GNAT3: variants seen among roughly 807,000 people sequenced by gnomAD.
GNAT3 encodes G protein subunit alpha transducin 3.
GNAT3 carries 31 observed loss-of-function variants against 37.7 expected under a neutral mutation model. The observed-to-expected ratio is 0.82, with a 90% CI of 0.62 to 1.11. The LOEUF (loss-of-function observed/expected upper bound fraction) is 1.11, where lower values mean the gene tolerates loss of function less well. GNAT3 is among the 50% of genes most tolerant of loss of function. The pLI, the probability that GNAT3 is intolerant of heterozygous loss-of-function variation, is 0.00. For synonymous variants in GNAT3, 138 were observed against 139.8 expected (o/e 0.99, Z 0.09); for missense variants, 437 against 412.5 (o/e 1.06, Z -0.51).
At chr7:80,484,045 C>T (rs898270844) in intron 3 of GNAT3, among the ~76,000 whole-genome samples, 2 of 152,020 alleles carry the variant, frequency 1.3e-5, no homozygotes, top group Non-Finnish European at 2.9e-5. Flanking sequence ...CATAGGTATA[C>T]ATGTGCTATG....
At chr7:80,502,675 G>A (rs1790857526) in intron 1 of GNAT3, among the ~76,000 whole-genome samples, 1 of 151,382 alleles carries the variant, frequency 6.6e-6, no homozygotes. Flanking sequence ...AGACCCATAT[G>A]TTGATCTAAT....
In GNAT3 at chr7:80,472,276, T is replaced by C. The variant is rs1790233807; in HGVS notation, c.590+1975A>G. Among the ~76,000 whole-genome samples, 3 of 152,194 alleles carry C rather than the reference T, an allele frequency of 2.0e-5. No individual in the cohort carries two copies. In the South Asian group the frequency reaches 6.2e-4, roughly 32 times the overall value. ...CACCTTGGTTGACTGAAATTGACCATGGTGGGGTTATTTGCACCAGAAAAA... is the reference window on the plus strand; with the variant it reads ...CACCTTGGTTGACTGAAATTGACCACGGTGGGGTTATTTGCACCAGAAAAA... On this transcript the variant is annotated intron_variant, in intron 5 of 7. Coordinates refer to ENST00000398291, the MANE Select transcript of GNAT3 (RefSeq NM_001102386.3).
chr7:80,462,715 G>T, intron 5 of GNAT3, 84 bp from the exon 6 acceptor site: 2 of 1,010,842 alleles, frequency 2.0e-6, no homozygotes, highest in East Asian at 2.6e-5. Flanking sequence ...AGGTATAAAT[G>T]GGTGATCCCC....
intron 7 of GNAT3, among the ~76,000 whole-genome samples, chr7:80,459,355 C>T (rs182271505): frequency 6.6e-6 from 1 of 152,182 alleles, no homozygotes; most frequent in East Asian, 1.9e-4. Flanking sequence ...GGGAAACAGA[C>T]TGAGCTTTGA....
At position 80,458,741 on chromosome 7, in the gene GNAT3, A is replaced by T; in HGVS notation, c.995T>A (p.Val332Asp). Residue 332 changes from valine (V) to aspartate (D), a missense_variant, in exon 8 of 8, where the codon GTC becomes GAC. Coordinates refer to ENST00000398291, the MANE Select transcript of GNAT3 (RefSeq NM_001102386.3). ...TGTAACTGCGTCAAACACAAACTTGACATTTTGGGTGTCAGTAGCACAGGT... is the reference window on the plus strand; with the variant it reads ...TGTAACTGCGTCAAACACAAACTTGTCATTTTGGGTGTCAGTAGCACAGGT... Reference protein sequence around the residue: ...HMTCATDTQNVKFVFDAVTDI... With the variant: ...HMTCATDTQNDKFVFDAVTDI... 6.2e-7 allele frequency: 1 copy of T among 1,600,738 alleles called. No individual in the cohort carries two copies. The highest frequency in any genetic ancestry group is 8.5e-7 in the Non-Finnish European group (1 of 1,172,772).
chr7:80,462,416 C>A (rs1790065532), intron 6 of GNAT3, 86 bp downstream of exon 6: 2 of 1,560,412 alleles, frequency 1.3e-6, no homozygotes, highest in Non-Finnish European at 1.8e-6. Flanking sequence ...CTTTGGCAAA[C>A]CTTCATGAGT....
At chr7:80,511,709 C>T (rs1461371944) in intron 1 of GNAT3, 100 bp downstream of exon 1, 8 of 626,472 alleles carry the variant, frequency 1.3e-5, no homozygotes, top group South Asian at 4.4e-5. Context: ...AATAAATTTC[C>T]CATATGATAA....
At chr7:80,498,196 A>T (rs950227467) in intron 1 of GNAT3, among the ~76,000 whole-genome samples, 3 of 152,140 alleles carry the variant, frequency 2.0e-5, no homozygotes, top group African/African-American at 7.2e-5. Flanking sequence ...TTTGGTAATC[A>T]TACAGATAAC....
intron 7 of GNAT3, among the ~76,000 whole-genome samples, chr7:80,460,960 A>G (rs1790038841): frequency 6.6e-6 from 1 of 151,844 alleles, no homozygotes; most frequent in Admixed American, 6.6e-5. Context: ...AAACTGCTCT[A>G]AGAAATAAGT....
intron 7 of GNAT3, among the ~76,000 whole-genome samples, chr7:80,461,660 G>T (rs980973498): frequency 6.6e-6 from 1 of 151,810 alleles, no homozygotes; most frequent in Non-Finnish European, 1.5e-5. Context: ...ACTTACAATC[G>T]CTGACTAACA....
At chr7:80,501,766 T>C (rs1204660724) in intron 1 of GNAT3, among the ~76,000 whole-genome samples, 3 of 151,954 alleles carry the variant, frequency 2.0e-5, no homozygotes, top group Non-Finnish European at 4.4e-5. Flanking sequence ...AATGTAAATA[T>C]TTTAGATGAA....
chr7:80,482,527 T>G (rs2116178674), intron 3 of GNAT3, among the ~76,000 whole-genome samples: 1 of 151,884 alleles, frequency 6.6e-6, no homozygotes, highest in East Asian at 1.9e-4. Flanking sequence ...GTTTGTTTGT[T>G]TTTTGAGACG....
At chr7:80,476,722 A>G (rs1166464795) in intron 4 of GNAT3, among the ~76,000 whole-genome samples, 1 of 151,986 alleles carries the variant, frequency 6.6e-6, no homozygotes, top group Non-Finnish European at 1.5e-5. Context: ...TATAGTACCA[A>G]TCTCATTTTA....
chr7:80,470,053 C>T (rs936911373), intron 5 of GNAT3, among the ~76,000 whole-genome samples: 2 of 151,908 alleles, frequency 1.3e-5, no homozygotes. Flanking sequence ...AAATTCCTTG[C>T]ATTGGAGTAA....
At chr7:80,481,144 AG>A (rs1790385737) in intron 3 of GNAT3, among the ~76,000 whole-genome samples, 1 of 152,198 alleles carries the variant, frequency 6.6e-6, no homozygotes, top group African/African-American at 2.4e-5. Flanking sequence ...GACACTGGTA[AG>A]GGTAAAAAAA....
intron 4 of GNAT3, among the ~76,000 whole-genome samples, chr7:80,478,051 C>T (rs1056897000): frequency 2.0e-5 from 3 of 152,162 alleles, no homozygotes; most frequent in African/African-American, 7.2e-5. Flanking sequence ...GCTGGGACTA[C>T]AGGCACATGC....
chr7:80,497,580 GTATATACATATAC>G (rs1562732739), intron 1 of GNAT3, among the ~76,000 whole-genome samples: 4 of 129,514 alleles, frequency 3.1e-5, no homozygotes, highest in African/African-American at 1.2e-4. Flanking sequence ...ATACATATAC[GTATATACATATAC>G]GTATATACAT....
intron 5 of GNAT3, among the ~76,000 whole-genome samples, chr7:80,464,882 A>G (rs1790107369): frequency 6.6e-6 from 1 of 152,142 alleles, no homozygotes; most frequent in Non-Finnish European, 1.5e-5. Context: ...AGATGCTCAC[A>G]ATATTGAAGA....
chr7:80,488,217 A>G (rs1364232982), intron 3 of GNAT3, among the ~76,000 whole-genome samples: 3 of 152,174 alleles, frequency 2.0e-5, no homozygotes, highest in Admixed American at 6.6e-5. Context: ...GAGATATTGC[A>G]AATTGTGTTT....
Sources: gnomAD v4.1 joint callset for allele counts (sites outside exome capture counted in the v4.1 genomes callset) on GRCh38, gnomAD v4.1.1 for gene constraint, MANE v1.5 for transcripts, NCBI Gene and HGNC (gene_info 2026-07-23, HGNC 2026-07-21) for gene names.